The following NKAIN2 variants were observed in gnomAD, a reference collection of about 807,000 sequenced individuals.
The protein encoded by NKAIN2 is sodium/potassium transporting ATPase interacting 2, also known as sodium/potassium-transporting ATPase subunit beta-1-interacting protein 2.
In NKAIN2, 14 loss-of-function variants were observed where a neutral mutation model predicts 32.6. That is an observed-to-expected ratio of 0.43 (90% CI 0.28 to 0.67). The LOEUF (loss-of-function observed/expected upper bound fraction) is 0.67. Ranked by LOEUF, NKAIN2 falls within the 30% of genes least tolerant of loss-of-function variation. The probability of loss-of-function intolerance (pLI) is 0.17; values close to 1 mark genes in which losing one functional copy is unlikely to be tolerated. For synonymous variants in NKAIN2, 80 were observed against 87.2 expected, an observed-to-expected ratio of 0.92 and a Z score of 0.46; for missense variants, 198 against 258.3, an observed-to-expected ratio of 0.77 and a Z score of 1.60.
At chr6:124,047,442 C>A (rs1261662156) in intron 1 of NKAIN2, among the ~76,000 whole-genome samples, 2 of 149,744 alleles carry the variant, frequency 1.3e-5, no homozygotes, top group East Asian at 3.9e-4. Context: ...CTTTCTCTCT[C>A]TCTCTCTATA....
intron 1 of NKAIN2, among the ~76,000 whole-genome samples, chr6:124,048,218 T>C (rs1782234180): frequency 6.6e-6 from 1 of 151,952 alleles, no homozygotes; most frequent in African/African-American, 2.4e-5. Context: ...GATATGCAAA[T>C]AATATTAAGC....
At chr6:124,235,237 C>T (rs1430339449) in intron 1 of NKAIN2, among the ~76,000 whole-genome samples, 2 of 152,108 alleles carry the variant, frequency 1.3e-5, no homozygotes, top group Non-Finnish European at 2.9e-5. Flanking sequence ...CATATGAAAG[C>T]TGAATTCTGG....
At chr6:124,581,289 A>G (rs1048067512) in intron 3 of NKAIN2, among the ~76,000 whole-genome samples, 2 of 151,594 alleles carry the variant, frequency 1.3e-5, no homozygotes, top group Admixed American at 6.6e-5. Flanking sequence ...AATACAAAAA[A>G]TTAGCCAGGC....
chr6:124,453,459 C>T (rs560967469), intron 3 of NKAIN2, among the ~76,000 whole-genome samples: 1 of 151,346 alleles, frequency 6.6e-6, no homozygotes, highest in African/African-American at 2.4e-5. Context: ...TTAATAAATG[C>T]CATTCTTGCT....
At chr6:124,802,163 C>A (rs1780290073) in intron 5 of NKAIN2, among the ~76,000 whole-genome samples, 1 of 152,148 alleles carries the variant, frequency 6.6e-6, no homozygotes. Context: ...GAATATTTCT[C>A]TAATAGGTAA....
intron 2 of NKAIN2, among the ~76,000 whole-genome samples, chr6:124,286,454 ATCC>A (rs1795545874): frequency 6.6e-6 from 1 of 152,132 alleles, no homozygotes; most frequent in South Asian, 2.1e-4. Flanking sequence ...TTACTGAATT[ATCC>A]TCTTACCAGT....
chr6:124,229,415 A>G (rs1228832573), intron 1 of NKAIN2, among the ~76,000 whole-genome samples: 1 of 152,182 alleles, frequency 6.6e-6, no homozygotes, highest in African/African-American at 2.4e-5. Context: ...TTATCTCATA[A>G]TGTGAAAAAA....
chr6:124,652,991 C>A (rs760178784), intron 3 of NKAIN2, among the ~76,000 whole-genome samples: 1 of 152,072 alleles, frequency 6.6e-6, no homozygotes, highest in Non-Finnish European at 1.5e-5. Flanking sequence ...AGGAAAATTG[C>A]AAACTTCTTT....
intron 1 of NKAIN2, among the ~76,000 whole-genome samples, chr6:124,009,222 CTCTG>C (rs1477808672): frequency 6.6e-6 from 1 of 152,086 alleles, no homozygotes; most frequent in East Asian, 1.9e-4. Context: ...TTTGGTCTCT[CTCTG>C]TCTGTCTCTA....
rs371955796 is a variant in NKAIN2 at position 124,213,427 on chromosome 6, C to T, written c.55-69578C>T. On this transcript the variant is annotated intron_variant, in intron 1 of 6. Transcript: ENST00000368417. ...ATTTCTGTTTGTGCTTTCAAAACTG[C>T]ACTAAAATTATACTAAATAAATAAG... Among the ~76,000 whole-genome samples the T allele has an allele frequency of 2.7e-3, 411 of 151,980 alleles. 3 individuals are homozygous for T. Among genetic ancestry groups the T allele is most frequent in the African/African-American group, 9.5e-3 (393 of 41,484 alleles).
At chr6:123,805,894 A>C (rs899846083) in intron 1 of NKAIN2, among the ~76,000 whole-genome samples, 1 of 152,118 alleles carries the variant, frequency 6.6e-6, no homozygotes, top group African/African-American at 2.4e-5. Context: ...ATGTGATTTA[A>C]CTTCTAATCA....
chr6:124,409,136 C>T (rs910359547), intron 3 of NKAIN2, among the ~76,000 whole-genome samples: 5 of 152,128 alleles, frequency 3.3e-5, no homozygotes, highest in South Asian at 2.1e-4. Context: ...ATGTCGTCTG[C>T]GAACAGGGAC....
At chr6:124,375,289 G>C (rs1409525457) in intron 3 of NKAIN2, among the ~76,000 whole-genome samples, 2 of 151,106 alleles carry the variant, frequency 1.3e-5, no homozygotes, top group Non-Finnish European at 2.9e-5. Context: ...TTTTACACTT[G>C]TTTACTTGTG....
chr6:124,742,065 T>C (rs1271664884), intron 4 of NKAIN2, among the ~76,000 whole-genome samples: 1 of 151,850 alleles, frequency 6.6e-6, no homozygotes, highest in East Asian at 1.9e-4. Flanking sequence ...TCCCAAGTCA[T>C]AGCCACCCAT....
At chr6:123,970,576 C>A (rs115748070) in intron 1 of NKAIN2, among the ~76,000 whole-genome samples, 253 of 151,972 alleles carry the variant, frequency 1.7e-3, no homozygotes, top group Non-Finnish European at 2.9e-3. Context: ...TTTCATTGTT[C>A]TTTAGAAATA....
At chr6:124,479,717 T>G (rs749740216) in intron 3 of NKAIN2, among the ~76,000 whole-genome samples, 2 of 152,216 alleles carry the variant, frequency 1.3e-5, no homozygotes, top group Non-Finnish European at 2.9e-5. Flanking sequence ...ATTTGTTTGT[T>G]TAAAAGCCTA....
chr6:124,259,347 T>G (rs1300280280), intron 1 of NKAIN2, among the ~76,000 whole-genome samples: 1 of 152,058 alleles, frequency 6.6e-6, no homozygotes, highest in Non-Finnish European at 1.5e-5. Context: ...ATTGTTTGGG[T>G]GTGGTGGTCT....
intron 1 of NKAIN2, among the ~76,000 whole-genome samples, chr6:124,209,674 T>A (rs1455267504): frequency 6.6e-6 from 1 of 151,966 alleles, no homozygotes; most frequent in African/African-American, 2.4e-5. Context: ...TGATCTCACA[T>A]TGTAGTTGTG....
chr6:123,867,890 A>G (rs1772629075), intron 1 of NKAIN2, among the ~76,000 whole-genome samples: 1 of 140,832 alleles, frequency 7.1e-6, no homozygotes, highest in Non-Finnish European at 1.5e-5. Flanking sequence ...TTTGTTTCAG[A>G]CAGAGTCTTG....
Sources: gnomAD v4.1 joint callset for allele counts (sites outside exome capture counted in the v4.1 genomes callset) on GRCh38, gnomAD v4.1.1 for gene constraint, MANE v1.5 for transcripts, NCBI Gene and HGNC (gene_info 2026-07-23, HGNC 2026-07-21) for gene names.